CNTNAP5: variants seen among roughly 807,000 people sequenced by gnomAD.
The protein encoded by CNTNAP5 is contactin-associated protein-like 5.
Under a neutral mutation model 150.2 loss-of-function variants are expected in CNTNAP5, and 72 were observed. The ratio of observed to expected loss-of-function variants is 0.48; its 90% CI spans 0.40 to 0.58. The LOEUF (loss-of-function observed/expected upper bound fraction) is 0.58. Among genes scored for constraint, CNTNAP5 ranks in the 20% least tolerant of loss-of-function variants. The probability of loss-of-function intolerance (pLI) is 0.00; values close to 1 mark genes in which losing one functional copy is unlikely to be tolerated. For missense variants in CNTNAP5, 1,636 were observed against 1,626.2 expected (o/e 1.01, Z -0.10); for synonymous variants, 672 against 619.8 (o/e 1.08, Z -1.25).
In CNTNAP5 at chr2:124,107,105, A is replaced by G. The variant is rs1683185977; in HGVS notation, c.82+81373A>G. On this transcript the variant is annotated intron_variant, in intron 1 of 23. Coordinates refer to ENST00000682447, the MANE Select transcript of CNTNAP5 (RefSeq NM_001367498.1). ...ACCACGTAGGCAGGACTGTGAAATGAGAGCTCAGGGAGAAAGAGAGCTGGT... is the reference window on the plus strand; with the variant it reads ...ACCACGTAGGCAGGACTGTGAAATGGGAGCTCAGGGAGAAAGAGAGCTGGT... Among the ~76,000 whole-genome samples, 3 of 152,200 alleles carry G rather than the reference A, an allele frequency of 2.0e-5. 1 individual carries two copies. In the South Asian group the frequency reaches 6.2e-4, roughly 32 times the overall value.
At chr2:124,606,989 C>T (rs11123054) in intron 11 of CNTNAP5, among the ~76,000 whole-genome samples, 83,688 of 151,938 alleles carry the variant, frequency 0.55, 23,610 homozygotes, top group Non-Finnish European at 0.59. Context: ...ATAATATAGG[C>T]TCATATTAAT....
At chr2:124,031,907 T>C (rs548578111) in intron 1 of CNTNAP5, among the ~76,000 whole-genome samples, 18 of 152,308 alleles carry the variant, frequency 1.2e-4, no homozygotes, top group African/African-American at 4.1e-4. Flanking sequence ...ATGAATCCTA[T>C]GTCATCTTTT....
intron 6 of CNTNAP5, among the ~76,000 whole-genome samples, chr2:124,469,177 G>T (rs1017981291): frequency 1.3e-5 from 2 of 152,170 alleles, no homozygotes; most frequent in African/African-American, 4.8e-5. Flanking sequence ...CAGAGTAGAG[G>T]AGAGATTGCT....
chr2:124,392,687 C>CAAAAAAAA (rs35107442), intron 3 of CNTNAP5, among the ~76,000 whole-genome samples: 4 of 68,784 alleles, frequency 5.8e-5, no homozygotes, highest in Non-Finnish European at 1.1e-4. Context: ...TTTTCTTTGC[C>CAAAAAAAA]AAAAAAAAAA....
intron 1 of CNTNAP5, among the ~76,000 whole-genome samples, chr2:124,198,865 CTTTT>C (rs56176605): frequency 7.2e-6 from 1 of 139,228 alleles, no homozygotes; most frequent in Non-Finnish European, 1.6e-5. Context: ...CACATGATTT[CTTTT>C]TTTTTTTTTT....
At chr2:124,844,967 A>C (rs1683018001) in intron 19 of CNTNAP5, among the ~76,000 whole-genome samples, 1 of 151,990 alleles carries the variant, frequency 6.6e-6, no homozygotes, top group South Asian at 2.1e-4. Context: ...GATGCCCTTT[A>C]TTTCTTTCTC....
intron 1 of CNTNAP5, among the ~76,000 whole-genome samples, chr2:124,172,371 A>C (rs2579821): frequency 0.12 from 18,346 of 152,170 alleles, 1,334 homozygotes; most frequent in East Asian, 0.34. Flanking sequence ...ATCAGTGAGT[A>C]ATATTGACTT....
At chr2:124,609,967 G>A (rs752130977) in intron 12 of CNTNAP5, 47 bp downstream of exon 12, 8 of 1,557,638 alleles carry the variant, frequency 5.1e-6, no homozygotes, top group Admixed American at 1.8e-5. Flanking sequence ...CCACTTCATG[G>A]AAGGAAGCAA....
chr2:124,524,873 G>A (rs1694929806), intron 9 of CNTNAP5, among the ~76,000 whole-genome samples: 1 of 152,136 alleles, frequency 6.6e-6, no homozygotes. Flanking sequence ...TAGCACCCAG[G>A]CCCTTCCTCT....
chr2:124,817,802 G>T (rs1682397047), intron 19 of CNTNAP5, among the ~76,000 whole-genome samples: 1 of 152,166 alleles, frequency 6.6e-6, no homozygotes, highest in Non-Finnish European at 1.5e-5. Context: ...TTCTGACTAG[G>T]CACCTATGTT....
rs547738023 is a variant in CNTNAP5, at chr2:124,904,956, T to G, written c.3655+1856T>G. Among the ~76,000 whole-genome samples the G allele has an allele frequency of 2.0e-5, 3 of 147,760 alleles. No individual in the cohort carries two copies. In the East Asian group the frequency reaches 6.0e-4, roughly 30 times the overall value. The stretch of plus-strand genomic sequence containing the variant: ...AAAAGGAAAAGGCAATCTACAGAAT[T>G]GGAAAAAGAAATGTTTTTAAACCAT... On this transcript the variant is annotated intron_variant, in intron 22 of 23. Transcript: ENST00000682447.
intron 18 of CNTNAP5, among the ~76,000 whole-genome samples, chr2:124,793,704 T>A (rs546558973): frequency 6.6e-6 from 1 of 152,244 alleles, no homozygotes; most frequent in South Asian, 2.1e-4. Context: ...TGTTGTGAGG[T>A]AGGGGGTCCA....
intron 11 of CNTNAP5, among the ~76,000 whole-genome samples, chr2:124,597,706 A>G (rs13024301): frequency 1.9e-4 from 29 of 151,898 alleles, no homozygotes; most frequent in African/African-American, 6.3e-4. Context: ...GCTAGATTGG[A>G]GAAGTTCTCC....
chr2:124,660,475 A>G (rs567029205), intron 13 of CNTNAP5, among the ~76,000 whole-genome samples: 6 of 152,342 alleles, frequency 3.9e-5, no homozygotes, highest in Non-Finnish European at 7.3e-5. Flanking sequence ...AAATTTTCTA[A>G]TAGCCCCATG....
chr2:124,713,217 CTG>C (rs1679845660), intron 13 of CNTNAP5, among the ~76,000 whole-genome samples: 2 of 111,420 alleles, frequency 1.8e-5, no homozygotes. Flanking sequence ...CTTTCTTTCT[CTG>C]TTTCTTTCTT....
chr2:124,660,023 G>GAA, intron 13 of CNTNAP5, among the ~76,000 whole-genome samples: 1 of 83,366 alleles, frequency 1.2e-5, no homozygotes, highest in Admixed American at 1.3e-4. Flanking sequence ...AAGGAAGAAA[G>GAA]GAGGAAGGAA....
At chr2:124,859,485 G>A (rs908163299) in intron 19 of CNTNAP5, among the ~76,000 whole-genome samples, 8 of 152,214 alleles carry the variant, frequency 5.3e-5, no homozygotes, top group African/African-American at 1.9e-4. Flanking sequence ...TTCAACCATT[G>A]TGGAAGTCAT....
chr2:124,572,016 C>T (rs1304971230), intron 11 of CNTNAP5, among the ~76,000 whole-genome samples: 1 of 152,128 alleles, frequency 6.6e-6, no homozygotes. Context: ...TATTGGAATG[C>T]ACTGGAATTT....
intron 19 of CNTNAP5, among the ~76,000 whole-genome samples, chr2:124,810,560 G>A (rs77833269): frequency 1.3e-3 from 197 of 152,142 alleles, no homozygotes; most frequent in African/African-American, 4.6e-3. Flanking sequence ...ATTACACAAG[G>A]GTGTGAATAC....
Sources: allele counts gnomAD v4.1 joint callset (sites outside exome capture counted in the v4.1 genomes callset), GRCh38; gene constraint gnomAD v4.1.1; transcripts MANE v1.5; gene names NCBI Gene and HGNC (gene_info 2026-07-23, HGNC 2026-07-21).